The following NBPF14 variants were observed in gnomAD, a reference collection of about 807,000 sequenced individuals.
NBPF14 encodes NBPF member 14, also known as NBPF family member NBPF14.
NBPF14 carries 104 observed loss-of-function variants against 91.2 expected under a neutral mutation model. The observed-to-expected ratio is 1.14, with a 90% CI of 0.97 to 1.34. NBPF14 has a LOEUF of 1.34. NBPF14 is among the 40% of genes most tolerant of loss of function. NBPF14 has a pLI of 0.00. For synonymous variants in NBPF14, 294 were observed against 303.8 expected (o/e 0.97, Z 0.34); for missense variants, 908 against 783.0 (o/e 1.16, Z -1.91).
In NBPF14 at chr1:148,572,704, A is replaced by G; in HGVS notation, c.2586-89T>C. ...AGATTTCATGGCTAACGTAAGGAAG[A>G]GTTTGAAAAGAAAAAGGACAGATCC... On this transcript the variant is annotated intron_variant, in intron 20 of 70. Coordinates refer to ENST00000619423, the Ensembl canonical transcript of NBPF14. The G allele has an allele frequency of 4.5e-6, 3 of 669,396 alleles. 1 individual carries two copies. The South Asian group carries it at 4.5e-5, about 10-fold the overall frequency. The allele number at this position is 669,396 out of a possible 1,614,324, so 41.5% of individuals were successfully genotyped here.
rs1660535579 is a variant in NBPF14 at position 148,579,159 on chromosome 1, AG to A, written c.1715del (p.Pro572LeufsTer17). On this transcript the variant is annotated frameshift_variant, in exon 13 of 71. Coordinates refer to ENST00000619423, the Ensembl canonical transcript of NBPF14. LOFTEE classifies it high-confidence loss of function. ...AAGACTGGTACGAGGCCAACATTTC[AG>A]GAGGAATTGAGAGAGTCGAATAACC... The A allele has an allele frequency of 1.3e-5, 6 of 468,376 alleles. No individual in the cohort carries two copies. The highest frequency in any genetic ancestry group is 1.5e-5 in the Non-Finnish European group (4 of 272,518). The allele number at this position is 468,376 out of a possible 1,614,324, so 29.0% of individuals were successfully genotyped here.
At position 148,566,142 on chromosome 1, in the gene NBPF14, C is replaced by T. The variant is rs1271995074; in HGVS notation, c.3715+1G>A. The T allele has an allele frequency of 4.0e-6, 2 of 500,310 alleles. No homozygotes were observed. The highest frequency in any genetic ancestry group is 3.6e-5 in the East Asian group (1 of 27,922). 31.0% of individuals were successfully genotyped at this position (500,310 alleles called of 1,614,324 possible). ...TATCACCTTCATAGAAAGGTACTCA[C>T]CTCCCACGTCAAGAGAAAAGCCAAC... is the stretch of plus-strand genomic sequence containing the variant. On this transcript the variant is annotated splice_donor_variant, in intron 29 of 70. Transcript: ENST00000619423. LOFTEE classifies it high-confidence loss of function.
At chr1:148,535,051 A>AGAGG (rs1430627887) in intron 68 of NBPF14, among the ~76,000 whole-genome samples, 195 bp from the exon 69 acceptor site, 22 of 146,944 alleles carry the variant, frequency 1.5e-4, no homozygotes, top group Middle Eastern at 6.8e-3. Context: ...AAAGACAGGG[A>AGAGG]GAGGGAGAGA....
rs1380794253 is a variant in NBPF14 at position 148,572,694 on chromosome 1, C to T, written c.2586-79G>A. The stretch of plus-strand genomic sequence containing the variant: ...AGCCCCAGCTAGATTTCATGGCTAA[C>T]GTAAGGAAGAGTTTGAAAAGAAAAA... On this transcript the variant is annotated intron_variant, in intron 20 of 70. Coordinates refer to ENST00000619423, the Ensembl canonical transcript of NBPF14. 2.8e-5 allele frequency: 19 copies of T among 679,734 alleles called. 1 individual carries two copies. The highest frequency in any genetic ancestry group is 3.9e-4 in the Middle Eastern group (1 of 2,588). 42.1% of individuals were successfully genotyped at this position (679,734 alleles called of 1,614,324 possible). A position where few individuals can be genotyped will look rare whatever the true frequency, so the allele number is the denominator to read the frequency against.
intron 37 of NBPF14, among the ~76,000 whole-genome samples, chr1:148,559,536 GC>G (rs1657263986): frequency 8.2e-6 from 1 of 121,776 alleles, no homozygotes; most frequent in African/African-American, 4.4e-5. Context: ...TGTCACATCT[GC>G]CCAGGTCCAA....
Position 148,591,510 on chromosome 1 carries a change from A to T in NBPF14, c.494-6T>A, listed in dbSNP as rs1662465925. ...ATCCTCATCTTCGTCATTTTCTAGA[A>T]ATACAAAATGTTCGTTCAGATATTT... is the stretch of plus-strand genomic sequence containing the variant. On this transcript the variant is annotated splice_region_variant and splice_polypyrimidine_tract_variant and intron_variant, in intron 4 of 70. Transcript: ENST00000619423. 1 of 1,609,912 alleles carries T rather than the reference A, an allele frequency of 6.2e-7. No individual in the cohort carries two copies. The highest frequency in any genetic ancestry group is 1.3e-5 in the African/African-American group (1 of 74,822).
At chr1:148,593,602 G>A (rs71231122) in exon 3 of NBPF14, 194,452 of 1,547,042 alleles carry the variant, frequency 0.13, 6,650 homozygotes, top group East Asian at 0.26. Flanking sequence ...CCTCACCTGA[G>A]CTCCTCAGCT....
Position 148,533,934 on chromosome 1 carries a change from C to A in NBPF14, c.8650G>T (p.Gly2884Ter). ...CTTCTTTCCTTCTTTGATCTTCTTCCCCTTCTTTTTTTCCCCTTCCCCTTC... is the reference window on the plus strand; with the variant it reads ...CTTCTTTCCTTCTTTGATCTTCTTCACCTTCTTTTTTTCCCCTTCCCCTTC... Residue 2884 changes from glycine (G) to a stop codon, truncating the protein, a stop_gained, in exon 70 of 71, where the codon GGA becomes TGA. Coordinates refer to ENST00000619423, the Ensembl canonical transcript of NBPF14. LOFTEE classifies it high-confidence loss of function. 2.7e-6 allele frequency: 2 copies of A among 741,956 alleles called. No homozygotes were observed. Among genetic ancestry groups the A allele is most frequent in the Non-Finnish European group, 2.4e-6 (1 of 408,370 alleles). 46.0% of individuals were successfully genotyped at this position (741,956 alleles called of 1,614,324 possible). A position where few individuals can be genotyped will look rare whatever the true frequency, so the allele number is the denominator to read the frequency against.
intron 63 of NBPF14, 44 bp downstream of exon 63, chr1:148,539,366 G>A: frequency 2.0e-6 from 1 of 488,830 alleles, no homozygotes; most frequent in South Asian, 2.1e-5. Context: ...CCCCTATCTG[G>A]AAGACCAGGT....
At position 148,578,871 on chromosome 1, in the gene NBPF14, T is replaced by G. The variant is rs1405476400; in HGVS notation, c.1801+203A>C. ...GGTTGGCATGGGCATGGCCTGAGAC[T>G]AGGAAGAGAGTAAAGCTCACTGACC... On this transcript the variant is annotated intron_variant, in intron 13 of 70. Transcript: ENST00000619423. Among the ~76,000 whole-genome samples, 144 of 149,022 alleles carry G rather than the reference T, an allele frequency of 9.7e-4. 3 individuals are homozygous for G. The highest frequency in any genetic ancestry group is 3.3e-3 in the African/African-American group (134 of 40,680).
chr1:148,566,436 T>A (rs1352502175), intron 28 of NBPF14, 121 bp from the exon 29 acceptor site: 5 of 603,528 alleles, frequency 8.3e-6, no homozygotes, highest in East Asian at 2.9e-5. Flanking sequence ...GATCCATTAA[T>A]GAGGTAACAA....
At chr1:148,533,457 A>G (rs1195722357) in intron 70 of NBPF14, among the ~76,000 whole-genome samples, 3 of 149,800 alleles carry the variant, frequency 2.0e-5, no homozygotes, top group Non-Finnish European at 4.4e-5. Flanking sequence ...AGAGAGAGAG[A>G]CAGAGACAGA....
chr1:148,566,599 G>T (rs1658453003), intron 28 of NBPF14, among the ~76,000 whole-genome samples: 1 of 142,072 alleles, frequency 7.0e-6, no homozygotes, highest in Non-Finnish European at 1.6e-5. Flanking sequence ...ACACACTGAT[G>T]AGGGAGTAAC....
intron 13 of NBPF14, 134 bp from the exon 14 acceptor site, chr1:148,578,168 A>T: frequency 4.0e-6 from 3 of 746,704 alleles, no homozygotes; most frequent in Non-Finnish European, 7.3e-6. Flanking sequence ...GAAATATTCC[A>T]GTAGGCCTGA....
At position 148,587,130 on chromosome 1, in the gene NBPF14, T is replaced by C. The variant is rs1349776975; in HGVS notation, c.1091+171A>G. On this transcript the variant is annotated intron_variant, in intron 8 of 70. Coordinates refer to ENST00000619423, the Ensembl canonical transcript of NBPF14. ...GGCTCTGAGAAACAACTGCAACCCATACATTTTTACTATCCTTCTTCTCTG... is the reference window on the plus strand; with the variant it reads ...GGCTCTGAGAAACAACTGCAACCCACACATTTTTACTATCCTTCTTCTCTG... Among the ~76,000 whole-genome samples, 5 of 148,842 alleles carry C rather than the reference T, an allele frequency of 3.4e-5. 1 individual carries two copies. Among genetic ancestry groups the C allele is most frequent in the Non-Finnish European group, 3.0e-5 (2 of 66,344 alleles).
intron 3 of NBPF14, 87 bp downstream of exon 3, chr1:148,593,511 C>G (rs1476751564): frequency 3.7e-6 from 3 of 813,078 alleles, no homozygotes; most frequent in South Asian, 2.9e-5. Context: ...CCTGGCCCAG[C>G]TTCGTTCTTA....
At chr1:148,566,292 A>T (rs1190245440) in exon 29 of NBPF14, 1 of 675,246 alleles carries the variant, frequency 1.5e-6, no homozygotes, top group African/African-American at 2.4e-5. Context: ...AGGCTCTACT[A>T]CCTCCAGCAG....
intron 28 of NBPF14, among the ~76,000 whole-genome samples, 195 bp from the exon 29 acceptor site, chr1:148,566,510 CA>C (rs1658364016): frequency 2.1e-5 from 1 of 47,802 alleles, no homozygotes; most frequent in Non-Finnish European, 3.2e-5. Flanking sequence ...GAAAGACAGA[CA>C]CACACACACA....
At chr1:148,587,270 C>T in intron 8 of NBPF14, 31 bp downstream of exon 8, 2 of 1,523,804 alleles carry the variant, frequency 1.3e-6, no homozygotes, top group Admixed American at 1.7e-5. Context: ...ACACACCTGC[C>T]CCCCTGCCTG....
Sources: gnomAD v4.1 joint callset for allele counts (sites outside exome capture counted in the v4.1 genomes callset) on GRCh38, gnomAD v4.1.1 for gene constraint, MANE v1.5 for transcripts, NCBI Gene and HGNC (gene_info 2026-07-23, HGNC 2026-07-21) for gene names.